The following MCF2L variants were observed in gnomAD, a reference collection of about 807,000 sequenced individuals.
The protein encoded by MCF2L is guanine nucleotide exchange factor DBS.
A neutral mutation model predicts 153.4 loss-of-function variants in MCF2L; 97 were observed. That is an observed-to-expected ratio of 0.63 (90% CI 0.54 to 0.75). The LOEUF (loss-of-function observed/expected upper bound fraction) is 0.75. Among genes scored for constraint, MCF2L ranks in the 30% least tolerant of loss-of-function variants. The pLI, the probability that MCF2L is intolerant of heterozygous loss-of-function variation, is 0.00. For missense variants in MCF2L, 1,347 were observed against 1,495.2 expected, an observed-to-expected ratio of 0.90 and a Z score of 1.64; for synonymous variants, 659 against 632.2, an observed-to-expected ratio of 1.04 and a Z score of -0.64.
chr13:113,092,043 G>A (rs1038833248), intron 26 of MCF2L, among the ~76,000 whole-genome samples: 54 of 152,204 alleles, frequency 3.5e-4, no homozygotes, highest in African/African-American at 1.1e-3. Flanking sequence ...GTGGGTGGGC[G>A]CCCGGCTTGC....
chr13:112,957,609 G>A (rs901396235), intron 2 of MCF2L: 2 of 150,876 alleles, frequency 1.3e-5, no homozygotes, highest in Admixed American at 1.3e-4. Context: ...ATTCCAGTCA[G>A]GTTTTTGTTT....
At chr13:113,096,217 T>C (rs2035639003) in intron 27 of MCF2L, 154 bp from the exon 28 acceptor site, 2 of 638,884 alleles carry the variant, frequency 3.1e-6, no homozygotes, top group Non-Finnish European at 5.5e-6. Context: ...CGGCGTAGCC[T>C]CCTCCCAAGG....
At chr13:112,938,501 A>G (rs940665021) in intron 2 of MCF2L, among the ~76,000 whole-genome samples, 10 of 152,176 alleles carry the variant, frequency 6.6e-5, no homozygotes, top group African/African-American at 1.9e-4. Flanking sequence ...TTTGTTCACA[A>G]TTTGTTTCAT....
chr13:113,084,812 G>A (rs72663544), intron 18 of MCF2L, 80 bp from the exon 19 acceptor site: 78,814 of 1,059,016 alleles, frequency 0.074, 3,730 homozygotes, highest in Non-Finnish European at 0.09. Flanking sequence ...CCCTCACCGC[G>A]TAATGCGGTG....
chr13:112,916,986 C>A, intron 2 of MCF2L: 1 of 445,808 alleles, frequency 2.2e-6, no homozygotes. Flanking sequence ...TGTCCCCATC[C>A]CTCTTCCCAC....
intron 16 of MCF2L, 22 bp from the exon 17 acceptor site, chr13:113,082,405 G>C (rs572231295): frequency 6.5e-7 from 1 of 1,533,390 alleles, no homozygotes; most frequent in East Asian, 2.3e-5. Context: ...GACCCCCGCC[G>C]ACCTCTGCGC....
chr13:113,050,865 A>T (rs1449128403), intron 4 of MCF2L, among the ~76,000 whole-genome samples: 2 of 150,884 alleles, frequency 1.3e-5, no homozygotes, highest in South Asian at 2.1e-4. Context: ...CGGGAGGAGG[A>T]GTTGTCCAGA....
rs974140307 is a variant in MCF2L at position 112,975,978 on chromosome 13, C to T, written c.79+6520C>T. Among the ~76,000 whole-genome samples, 45 of 152,138 alleles carry T rather than the reference C, an allele frequency of 3.0e-4. 1 individual carries two copies. On this transcript the variant is annotated intron_variant, in intron 1 of 29. Transcript: ENST00000535094. ...CCAGGAGCCTTTGTCCAGTGTAAAC[C>T]CCAGGAGATGCGCAGTGCTGGGAAG...
At chr13:112,959,652 A>C (rs1229384874) in intron 2 of MCF2L, among the ~76,000 whole-genome samples, 2 of 152,148 alleles carry the variant, frequency 1.3e-5, no homozygotes, top group African/African-American at 4.8e-5. Flanking sequence ...TTTTCTCCCT[A>C]TTAGAGGGAA....
rs1363808840 is a variant in MCF2L, at chr13:112,983,765, G to C, written c.79+14307G>C. On this transcript the variant is annotated intron_variant, in intron 1 of 29. Coordinates refer to ENST00000535094, the MANE Select transcript of MCF2L (RefSeq NM_001112732.3). The surrounding 1 kb of genome is among the most constrained non-coding windows in gnomAD (Gnocchi z 4.0). ...CCTCCTGGGCCTTCCCTTCTGCCTG[G>C]CTTCCTCCTCCTCCACCCGTCCACC... Among the ~76,000 whole-genome samples the C allele has an allele frequency of 6.6e-6, 1 of 152,188 alleles. No homozygotes were observed. Among genetic ancestry groups the C allele is most frequent in the East Asian group, 1.9e-4 (1 of 5,194 alleles).
intron 2 of MCF2L, among the ~76,000 whole-genome samples, chr13:113,016,713 C>A (rs924521969): frequency 6.6e-6 from 1 of 152,204 alleles, no homozygotes; most frequent in Admixed American, 6.5e-5. Flanking sequence ...GGCCTTTGCA[C>A]AGCCGGCCCT....
intron 1 of MCF2L, among the ~76,000 whole-genome samples, chr13:112,901,642 A>G (rs1281506630): frequency 6.6e-6 from 1 of 152,206 alleles, no homozygotes; most frequent in African/African-American, 2.4e-5. Context: ...TGCAGCTACT[A>G]GTTTTCTCTT....
At chr13:112,939,132 A>T (rs2081550508) in intron 2 of MCF2L, among the ~76,000 whole-genome samples, 3 of 152,184 alleles carry the variant, frequency 2.0e-5, no homozygotes, top group Admixed American at 2.0e-4. Context: ...CAATTTCCAG[A>T]TACAACTGAT....
rs2035828054 is a variant in MCF2L, at chr13:113,099,158, T to G, written c.*2299T>G. 1 of 151,808 alleles carries G rather than the reference T, an allele frequency of 6.6e-6. No homozygotes were observed. Among genetic ancestry groups the G allele is most frequent in the Admixed American group, 6.6e-5 (1 of 15,256 alleles). 9.4% of individuals were successfully genotyped at this position (151,808 alleles called of 1,614,324 possible). A position where few individuals can be genotyped will look rare whatever the true frequency, so the allele number is the denominator to read the frequency against. On this transcript the variant is annotated 3_prime_UTR_variant, in exon 30 of 30. Transcript: ENST00000535094. Reference sequence around the variant, plus strand: ...ATGGGATTCAGGACAGTTCATAGAGTAAAGGGGGCTGCGTGGCAATCAGGA... The same window carrying G: ...ATGGGATTCAGGACAGTTCATAGAGGAAAGGGGGCTGCGTGGCAATCAGGA...
chr13:113,020,444 C>T (rs777661094), intron 2 of MCF2L, among the ~76,000 whole-genome samples: 2 of 152,252 alleles, frequency 1.3e-5, no homozygotes, highest in Non-Finnish European at 2.9e-5. Context: ...TCAACTCAGG[C>T]TGCTTGCTGT....
rs1464415445 is a variant in MCF2L, at chr13:113,070,964, G to A, written c.996+791G>A. ...TTAAGTGCCCAGAATGTAATTGCAG[G>A]GTTATATAGTAGTTGCATGTTTCGT... On this transcript the variant is annotated intron_variant, in intron 9 of 29. Transcript: ENST00000535094. This position sits in a 1 kb window ranked among gnomAD's most constrained non-coding sequence, Gnocchi z 5.6. Among the ~76,000 whole-genome samples the A allele has an allele frequency of 1.3e-5, 2 of 152,196 alleles. No individual in the cohort carries two copies. Among genetic ancestry groups the A allele is most frequent in the Non-Finnish European group, 2.9e-5 (2 of 68,032 alleles).
upstream of MCF2L, among the ~76,000 whole-genome samples, chr13:112,968,147 G>C (rs2081927768): frequency 6.8e-6 from 1 of 147,918 alleles, no homozygotes; most frequent in Non-Finnish European, 1.5e-5. Context: ...TGAGGTGGGG[G>C]GGGGGGTCTT....
At chr13:112,920,903 C>G (rs1029469865) in intron 2 of MCF2L, among the ~76,000 whole-genome samples, 2 of 152,006 alleles carry the variant, frequency 1.3e-5, no homozygotes, top group Admixed American at 6.5e-5. Context: ...CGCGGTGGCT[C>G]AAGCCTATAG....
chr13:112,928,095 A>G (rs190939488), intron 2 of MCF2L, among the ~76,000 whole-genome samples: 276 of 152,354 alleles, frequency 1.8e-3, no homozygotes, highest in African/African-American at 6.2e-3. Context: ...ATGTGTATAA[A>G]AAGTCATTAC....
Sources: allele counts gnomAD v4.1 joint callset (sites outside exome capture counted in the v4.1 genomes callset), GRCh38; gene constraint gnomAD v4.1.1; non-coding constraint Gnocchi (gnomAD v3.1); transcripts MANE v1.5; gene names NCBI Gene and HGNC (gene_info 2026-07-23, HGNC 2026-07-21).